RFC1: variants seen among roughly 807,000 people sequenced by gnomAD.
RFC1 encodes replication factor C subunit 1.
Under a neutral mutation model 137.4 loss-of-function variants are expected in RFC1, and 37 were observed. The observed-to-expected ratio is 0.27, with a 90% CI of 0.21 to 0.35. RFC1 has a LOEUF of 0.35. Among genes scored for constraint, RFC1 ranks in the 10% least tolerant of loss-of-function variants. RFC1 has a pLI of 1.00. For synonymous variants in RFC1, 429 were observed against 455.7 expected, an observed-to-expected ratio of 0.94 and a Z score of 0.75; for missense variants, 1,205 against 1,358.5, an observed-to-expected ratio of 0.89 and a Z score of 1.78.
Position 39,288,698 on chromosome 4 carries a change from C to A in RFC1, c.*63G>T. On this transcript the variant is annotated 3_prime_UTR_variant, in exon 25 of 25. Transcript: ENST00000349703. ...GCTCTGGGAAAAAACAAGGCTTTCT[C>A]TAGACCAGCTGGACTGGTCAGGAGG... 9.5e-7 allele frequency: 1 copy of A among 1,053,178 alleles called. No individual in the cohort carries two copies. Among genetic ancestry groups the A allele is most frequent in the South Asian group, 1.3e-5 (1 of 74,326 alleles). The allele number at this position is 1,053,178 out of a possible 1,614,324, so 65.2% of individuals were successfully genotyped here. A position where few individuals can be genotyped will look rare whatever the true frequency, so the allele number is the denominator to read the frequency against.
intron 21 of RFC1, among the ~76,000 whole-genome samples, chr4:39,298,859 C>A (rs1738177159): frequency 6.6e-6 from 1 of 152,174 alleles, no homozygotes; most frequent in Admixed American, 6.5e-5. Flanking sequence ...TGGCTCATGC[C>A]TGTAATCCCA....
chr4:39,364,822 T>A (rs1229070934), intron 1 of RFC1, among the ~76,000 whole-genome samples: 1 of 152,184 alleles, frequency 6.6e-6, no homozygotes, highest in Non-Finnish European at 1.5e-5. Flanking sequence ...GAGATTAAAC[T>A]TAAGCTATTT....
chr4:39,359,919 C>T (rs1309344292), intron 1 of RFC1, among the ~76,000 whole-genome samples: 1 of 151,850 alleles, frequency 6.6e-6, no homozygotes, highest in South Asian at 2.1e-4. Context: ...GGATTCATAC[C>T]TACTACTTGG....
At chr4:39,297,897 C>T (rs1372768839) in intron 21 of RFC1, among the ~76,000 whole-genome samples, 1 of 152,278 alleles carries the variant, frequency 6.6e-6, no homozygotes, top group South Asian at 2.1e-4. Context: ...AGATTTTCTC[C>T]AACTTTTTGT....
intron 6 of RFC1, 122 bp downstream of exon 6, chr4:39,326,441 A>T: frequency 1.5e-6 from 1 of 650,438 alleles, no homozygotes; most frequent in South Asian, 2.3e-5. Context: ...TTAGATTTTC[A>T]TTTATTAGAT....
intron 3 of RFC1, among the ~76,000 whole-genome samples, chr4:39,343,564 T>C (rs1740705231): frequency 6.6e-6 from 1 of 152,214 alleles, no homozygotes; most frequent in African/African-American, 2.4e-5. Flanking sequence ...TAAACTTTAG[T>C]GTCCTTCCTC....
chr4:39,293,175 T>C (rs987056729), intron 22 of RFC1, among the ~76,000 whole-genome samples: 1 of 152,184 alleles, frequency 6.6e-6, no homozygotes, highest in African/African-American at 2.4e-5. Context: ...ATCCATTTCC[T>C]CTAGATTGTC....
At chr4:39,353,397 C>CAAAAAAAAAAAAAAA (rs11416030) in intron 1 of RFC1, among the ~76,000 whole-genome samples, 5 of 63,502 alleles carry the variant, frequency 7.9e-5, no homozygotes, top group Admixed American at 2.5e-4. Flanking sequence ...GAGACTGTCT[C>CAAAAAAAAAAAAAAA]AAAAAAAAAA....
intron 19 of RFC1, among the ~76,000 whole-genome samples, chr4:39,300,681 C>T (rs1426060430): frequency 6.6e-6 from 1 of 152,094 alleles, no homozygotes; most frequent in Non-Finnish European, 1.5e-5. Flanking sequence ...TTATAATTAC[C>T]AAAAGTTGTA....
At chr4:39,334,726 T>C (rs560566133) in intron 4 of RFC1, among the ~76,000 whole-genome samples, 25 of 152,308 alleles carry the variant, frequency 1.6e-4, no homozygotes, top group Non-Finnish European at 2.9e-4. Context: ...TCATGAACAA[T>C]TGAACACTTA....
intron 1 of RFC1, among the ~76,000 whole-genome samples, chr4:39,356,952 C>T (rs922925656): frequency 6.6e-6 from 1 of 152,070 alleles, no homozygotes; most frequent in African/African-American, 2.4e-5. Context: ...TTTAAGAGCC[C>T]GCATCAACTT....
rs139584619 is a variant in RFC1 at position 39,324,340 on chromosome 4, G to T, written c.643-923C>A. The stretch of plus-strand genomic sequence containing the variant: ...TAATAAATTACCCAAACAAGATTCT[G>T]AAAGAATGTGATAAAAATGGAAAAA... On this transcript the variant is annotated intron_variant, in intron 6 of 24. Transcript: ENST00000349703. 1.9e-3 allele frequency among the ~76,000 whole-genome samples: 292 copies of T among 152,272 alleles called. 2 individuals are homozygous for T. The highest frequency in any genetic ancestry group is 6.6e-3 in the African/African-American group (275 of 41,558).
rs1263846700 is a variant in RFC1, at chr4:39,287,630, A to G, written c.*1131T>C. 1 of 152,184 alleles carries G rather than the reference A, an allele frequency of 6.6e-6. No individual in the cohort carries two copies. 9.4% of individuals were successfully genotyped at this position (152,184 alleles called of 1,614,324 possible). On this transcript the variant is annotated 3_prime_UTR_variant, in exon 25 of 25. Transcript: ENST00000349703. ...TTATTTTACATTCATTTTAGTATAT[A>G]CCTCACAGAGGTAGCACAGACCTCT... is the stretch of plus-strand genomic sequence containing the variant.
intron 10 of RFC1, among the ~76,000 whole-genome samples, chr4:39,314,276 C>T (rs1168772414): frequency 1.3e-5 from 2 of 152,318 alleles, no homozygotes; most frequent in South Asian, 2.1e-4. Flanking sequence ...TGTAACACTA[C>T]AGGAACTTAA....
intron 8 of RFC1, 78 bp downstream of exon 8, chr4:39,321,209 G>C: frequency 9.3e-7 from 1 of 1,078,432 alleles, no homozygotes; most frequent in Non-Finnish European, 1.4e-6. Flanking sequence ...TTACTGAATA[G>C]GATACTTAAA....
chr4:39,354,178 C>T (rs139280513), intron 1 of RFC1, among the ~76,000 whole-genome samples: 1 of 152,306 alleles, frequency 6.6e-6, no homozygotes, highest in East Asian at 1.9e-4. Context: ...ACTCAGTATA[C>T]ACTAAAAATC....
chr4:39,323,321 T>C lies in RFC1; in HGVS notation c.720+19A>G, dbSNP rs773164198. 13 of 1,611,722 alleles carry C rather than the reference T, an allele frequency of 8.1e-6. No homozygotes were observed. The highest frequency in any genetic ancestry group is 7.7e-5 in the South Asian group (7 of 91,046). On this transcript the variant is annotated intron_variant, in intron 7 of 24. Transcript: ENST00000349703. Reference sequence around the variant, plus strand: ...CTGTACTGTATATTCAGAACGCAAATAGCCCAACATTATGCCACCTTTTTG... The same window carrying C: ...CTGTACTGTATATTCAGAACGCAAACAGCCCAACATTATGCCACCTTTTTG...
At chr4:39,353,156 T>C (rs1472357162) in intron 1 of RFC1, among the ~76,000 whole-genome samples, 1 of 152,026 alleles carries the variant, frequency 6.6e-6, no homozygotes, top group African/African-American at 2.4e-5. Flanking sequence ...ATCCCAGTAC[T>C]TTAGGAGGCC....
intron 8 of RFC1, among the ~76,000 whole-genome samples, chr4:39,320,991 C>T (rs1161550024): frequency 6.6e-6 from 1 of 152,184 alleles, no homozygotes; most frequent in Non-Finnish European, 1.5e-5. Context: ...CTCAAAACAT[C>T]TAGGTTCTTC....
Sources: allele counts gnomAD v4.1 joint callset (sites outside exome capture counted in the v4.1 genomes callset), GRCh38; gene constraint gnomAD v4.1.1; transcripts MANE v1.5; gene names NCBI Gene and HGNC (gene_info 2026-07-23, HGNC 2026-07-21).